The following TACR1 variants were observed in gnomAD, a reference collection of about 807,000 sequenced individuals.
The protein encoded by TACR1 is substance-P receptor.
In TACR1, 25 loss-of-function variants were observed where a neutral mutation model predicts 35.8. That is an observed-to-expected ratio of 0.70 (90% CI 0.51 to 0.98). The LOEUF is 0.98. Ranked by LOEUF, TACR1 falls within the 50% of genes least tolerant of loss-of-function variation. The pLI, the probability that TACR1 is intolerant of heterozygous loss-of-function variation, is 0.00. For missense variants in TACR1, 478 were observed against 522.9 expected (o/e 0.91, Z 0.84); for synonymous variants, 195 against 206.7 (o/e 0.94, Z 0.48).
chr2:75,097,089 A>G (rs1263014938), intron 2 of TACR1, among the ~76,000 whole-genome samples: 1 of 152,210 alleles, frequency 6.6e-6, no homozygotes, highest in East Asian at 1.9e-4. Flanking sequence ...CCTCTTTACC[A>G]CATGCACTTC....
chr2:75,142,900 T>C (rs192176731), intron 1 of TACR1, among the ~76,000 whole-genome samples: 1 of 152,308 alleles, frequency 6.6e-6, no homozygotes, highest in Non-Finnish European at 1.5e-5. Flanking sequence ...CCTCATTGAT[T>C]GAAACAATCA....
rs558660996 is a variant in TACR1, at chr2:75,066,711, T to A, written c.585-12956A>T. ...TACTTTCTTTTCTTAGCCAAAAGTT[T>A]CCCAGCATAGACAATAGACCATTAT... is the stretch of plus-strand genomic sequence containing the variant. On this transcript the variant is annotated intron_variant, in intron 2 of 4. Transcript: ENST00000305249. 3.3e-5 allele frequency among the ~76,000 whole-genome samples: 5 copies of A among 152,348 alleles called. No homozygotes were observed. The South Asian group carries it at 1.0e-3, about 32-fold the overall frequency.
chr2:75,063,213 C>T (rs1256905845), intron 2 of TACR1, among the ~76,000 whole-genome samples: 1 of 152,202 alleles, frequency 6.6e-6, no homozygotes, highest in Admixed American at 6.5e-5. Flanking sequence ...AGTGGGGACA[C>T]AGCCAAACCA....
intron 1 of TACR1, among the ~76,000 whole-genome samples, chr2:75,123,822 CAGAT>C (rs1674019313): frequency 6.6e-6 from 1 of 152,102 alleles, no homozygotes; most frequent in African/African-American, 2.4e-5. Context: ...AACCTGTACA[CAGAT>C]GGATGAATAT....
intron 1 of TACR1, among the ~76,000 whole-genome samples, chr2:75,165,319 T>C (rs890142909): frequency 6.6e-6 from 1 of 152,100 alleles, no homozygotes; most frequent in Non-Finnish European, 1.5e-5. Flanking sequence ...TATTTTACTT[T>C]ATTTTTTTGA....
chr2:75,167,673 A>C (rs1162353376), intron 1 of TACR1, among the ~76,000 whole-genome samples: 1 of 152,224 alleles, frequency 6.6e-6, no homozygotes, highest in Non-Finnish European at 1.5e-5. Context: ...GTGACAGAGA[A>C]CATTTTAAAC....
intron 2 of TACR1, among the ~76,000 whole-genome samples, chr2:75,094,651 T>C (rs1673376587): frequency 6.6e-6 from 1 of 151,370 alleles, no homozygotes; most frequent in Non-Finnish European, 1.5e-5. Context: ...GTGGTGATGA[T>C]GATGGTGGTG....
chr2:75,124,388 G>A (rs552784672), intron 1 of TACR1, among the ~76,000 whole-genome samples: 2 of 152,142 alleles, frequency 1.3e-5, no homozygotes, highest in African/African-American at 2.4e-5. Flanking sequence ...TTTCCTCTAC[G>A]ATGAGATTTG....
chr2:75,051,510 C>T, intron 3 of TACR1, 63 bp from the exon 4 acceptor site: 2 of 1,595,562 alleles, frequency 1.3e-6, no homozygotes, highest in South Asian at 1.1e-5. Flanking sequence ...GCTGCTTCCT[C>T]TCTCCTCCCA....
In TACR1 at chr2:75,115,764, G is replaced by A. The variant is rs576032839; in HGVS notation, c.584+4810C>T. Among the ~76,000 whole-genome samples, 10 of 151,920 alleles carry A rather than the reference G, an allele frequency of 6.6e-5. No individual in the cohort carries two copies. In the South Asian group the frequency reaches 1.5e-3, roughly 22 times the overall value. On this transcript the variant is annotated intron_variant, in intron 2 of 4. Transcript: ENST00000305249. ...TGCTAAAAATACAAAAAAATTAGCC[G>A]GGCATGGTGGCGGGTGCCTGTAGTC...
intron 2 of TACR1, among the ~76,000 whole-genome samples, chr2:75,119,754 C>T (rs12619856): frequency 0.69 from 104,414 of 152,092 alleles, 36,731 homozygotes; most frequent in African/African-American, 0.84. Context: ...TTCACCTGCA[C>T]ATATTCTATT....
chr2:75,075,277 G>C (rs1672957055), intron 2 of TACR1, among the ~76,000 whole-genome samples: 1 of 152,204 alleles, frequency 6.6e-6, no homozygotes, highest in South Asian at 2.1e-4. Flanking sequence ...ACCAGGTGTT[G>C]GTATGGACAT....
chr2:75,192,163 T>C (rs1296536879), intron 1 of TACR1, among the ~76,000 whole-genome samples: 2 of 152,146 alleles, frequency 1.3e-5, no homozygotes, highest in Non-Finnish European at 2.9e-5. Flanking sequence ...GGTAACTCTG[T>C]TCTGGTCATC....
intron 2 of TACR1, among the ~76,000 whole-genome samples, chr2:75,073,497 G>A (rs1225397445): frequency 6.6e-6 from 1 of 152,228 alleles, no homozygotes; most frequent in Non-Finnish European, 1.5e-5. Context: ...AGGAAAGGCA[G>A]CAACTGGTTT....
chr2:75,061,580 A>G (rs1672674458), intron 2 of TACR1, among the ~76,000 whole-genome samples: 1 of 152,164 alleles, frequency 6.6e-6, no homozygotes, highest in African/African-American at 2.4e-5. Context: ...ACACGAGTAC[A>G]TGTCCCATCT....
chr2:75,060,190 G>T, intron 2 of TACR1, among the ~76,000 whole-genome samples: 1 of 152,194 alleles, frequency 6.6e-6, no homozygotes, highest in East Asian at 1.9e-4. Flanking sequence ...CAAAGAGTGT[G>T]CCATGGGAAG....
At chr2:75,142,789 A>G (rs1233560303) in intron 1 of TACR1, among the ~76,000 whole-genome samples, 2 of 152,148 alleles carry the variant, frequency 1.3e-5, no homozygotes, top group Non-Finnish European at 2.9e-5. Context: ...GATTCTCAAA[A>G]TCATCCCAGT....
chr2:75,101,152 A>T (rs1013500951), intron 2 of TACR1, among the ~76,000 whole-genome samples: 2 of 152,188 alleles, frequency 1.3e-5, no homozygotes, highest in African/African-American at 4.8e-5. Context: ...AAAGGAAAAC[A>T]AGGTGAAAAT....
intron 1 of TACR1, among the ~76,000 whole-genome samples, chr2:75,141,129 C>G (rs1674393522): frequency 6.6e-6 from 1 of 152,138 alleles, no homozygotes; most frequent in Non-Finnish European, 1.5e-5. Flanking sequence ...TCAGCTCTCT[C>G]TCTTCCTCTC....
Sources: allele counts gnomAD v4.1 joint callset (sites outside exome capture counted in the v4.1 genomes callset), GRCh38; gene constraint gnomAD v4.1.1; transcripts MANE v1.5; gene names NCBI Gene and HGNC (gene_info 2026-07-23, HGNC 2026-07-21).